The following SAMD12 variants were observed in gnomAD, a reference collection of about 807,000 sequenced individuals.
SAMD12 encodes the protein sterile alpha motif domain-containing protein 12.
SAMD12 carries 9 observed loss-of-function variants against 15.0 expected under a neutral mutation model. The ratio of observed to expected loss-of-function variants is 0.60; its 90% CI spans 0.36 to 1.05. SAMD12 has a LOEUF of 1.05. SAMD12 is among the 50% of genes least tolerant of loss of function. The pLI is 0.01. For missense variants in SAMD12, 230 were observed against 234.2 expected (o/e 0.98, Z 0.12); for synonymous variants, 86 against 90.1 (o/e 0.96, Z 0.25).
intron 1 of SAMD12, among the ~76,000 whole-genome samples, chr8:118,603,187 AAAG>A (rs1185202510): frequency 1.3e-5 from 2 of 152,176 alleles, no homozygotes; most frequent in South Asian, 2.1e-4. Flanking sequence ...CTGGAGAAAG[AAAG>A]AAGAAAATAC....
In SAMD12 at chr8:118,497,723, C is replaced by CGGGGG. The variant is rs57304177; in HGVS notation, c.193-57767_193-57763dup. 3.5e-3 allele frequency among the ~76,000 whole-genome samples: 207 copies of CGGGGG among 58,748 alleles called. 2 individuals carry two copies. Among genetic ancestry groups the CGGGGG allele is most frequent in the African/African-American group, 0.013 (200 of 15,594 alleles). The allele number at this position is 58,748 out of a possible 152,430, so 38.5% of individuals were successfully genotyped here. A position where few individuals can be genotyped will look rare whatever the true frequency, so the allele number is the denominator to read the frequency against. On this transcript the variant is annotated intron_variant, in intron 2 of 3. Coordinates refer to ENST00000314727, the MANE Select transcript of SAMD12 (RefSeq NM_207506.3). ...CTGGAATCTAAAATAACTTAAGTTGCGGGGGGGGGTGGGGGGAAAGAAAAA... is the reference window on the plus strand; with the variant it reads ...CTGGAATCTAAAATAACTTAAGTTGCGGGGGGGGGGGGGGTGGGGGGAAAGAAAAA...
chr8:118,478,340 T>C (rs548603004), intron 2 of SAMD12, among the ~76,000 whole-genome samples: 42 of 152,258 alleles, frequency 2.8e-4, no homozygotes, highest in African/African-American at 9.9e-4. Flanking sequence ...ATTATCAGGC[T>C]TAACTGCAGA....
chr8:118,570,447 G>A lies in SAMD12; in HGVS notation c.192+10268C>T, dbSNP rs180990172. Among the ~76,000 whole-genome samples the A allele has an allele frequency of 3.6e-3, 554 of 152,168 alleles. 4 individuals are homozygous for A. The highest frequency in any genetic ancestry group is 8.1e-3 in the Admixed American group (124 of 15,284). ...CATGATTTAGCTCCCACTTATAAGT[G>A]AGAACATGTTGTATTTGGTTTTCTG... On this transcript the variant is annotated intron_variant, in intron 2 of 3. Transcript: ENST00000314727.
the SAMD12 span, among the ~76,000 whole-genome samples, chr8:118,167,549 CTTAG>C: frequency 6.6e-6 from 1 of 152,128 alleles, no homozygotes; most frequent in Non-Finnish European, 1.5e-5. Flanking sequence ...TGGACAATCA[CTTAG>C]TTAGAAGAGG....
At chr8:118,192,154 T>A (rs1819422808) in exon 5 of SAMD12, 1 of 151,834 alleles carries the variant, frequency 6.6e-6, no homozygotes, top group African/African-American at 2.4e-5. Context: ...GAAAGCATGA[T>A]CTAGTAAGAG....
chr8:118,187,728 G>A (rs535561858), downstream of SAMD12, among the ~76,000 whole-genome samples: 5 of 152,260 alleles, frequency 3.3e-5, no homozygotes, highest in East Asian at 9.6e-4. Context: ...CCTACTCCTT[G>A]TTTGGGGAGA....
chr8:118,577,906 G>A (rs978449858), intron 2 of SAMD12, among the ~76,000 whole-genome samples: 1 of 152,110 alleles, frequency 6.6e-6, no homozygotes, highest in Non-Finnish European at 1.5e-5. Context: ...AGCTACTAAA[G>A]TTAATGGGAC....
At chr8:118,366,024 G>T (rs904721071) in intron 4 of SAMD12, among the ~76,000 whole-genome samples, 3 of 152,058 alleles carry the variant, frequency 2.0e-5, no homozygotes, top group Admixed American at 6.6e-5. Context: ...ATGTATATAA[G>T]AACCATATCT....
chr8:118,269,226 G>C (rs879352851), intron 4 of SAMD12, among the ~76,000 whole-genome samples: 3,968 of 72,492 alleles, frequency 0.055, 103 homozygotes, highest in East Asian at 0.22. Context: ...CTCTCTGTGT[G>C]TGTGTGTGTG....
chr8:118,472,734 G>A (rs1198376114), intron 2 of SAMD12, among the ~76,000 whole-genome samples: 1 of 151,928 alleles, frequency 6.6e-6, no homozygotes, highest in Non-Finnish European at 1.5e-5. Context: ...CTTATTCAGT[G>A]GTTTTCCACT....
At chr8:118,420,955 AC>A (rs1258240151) in intron 3 of SAMD12, among the ~76,000 whole-genome samples, 19 of 152,214 alleles carry the variant, frequency 1.2e-4, no homozygotes, top group Non-Finnish European at 2.5e-4. Context: ...TTTATATACT[AC>A]AAACATGGAG....
At chr8:118,168,738 A>C in the SAMD12 span, among the ~76,000 whole-genome samples, 2 of 152,314 alleles carry the variant, frequency 1.3e-5, no homozygotes, top group East Asian at 3.9e-4. Context: ...AAAAATCATT[A>C]AATTTCAAGA....
At chr8:118,492,249 TTTCAATAC>T (rs1475993905) in intron 2 of SAMD12, among the ~76,000 whole-genome samples, 1 of 152,036 alleles carries the variant, frequency 6.6e-6, no homozygotes, top group Non-Finnish European at 1.5e-5. Flanking sequence ...CTATTGGCCA[TTTCAATAC>T]TTTCGTTTTA....
At chr8:118,484,283 C>T (rs1824215676) in intron 2 of SAMD12, among the ~76,000 whole-genome samples, 1 of 152,122 alleles carries the variant, frequency 6.6e-6, no homozygotes, top group African/African-American at 2.4e-5. Context: ...ATTGATACAG[C>T]TTTGTAGTTC....
chr8:118,620,552 T>C (rs1473865128), intron 1 of SAMD12, among the ~76,000 whole-genome samples: 1 of 152,188 alleles, frequency 6.6e-6, no homozygotes, highest in Non-Finnish European at 1.5e-5. Flanking sequence ...GCTGTGGATC[T>C]CTGAACCTGA....
chr8:118,267,829 A>G (rs1019906147), intron 4 of SAMD12, among the ~76,000 whole-genome samples: 3 of 152,052 alleles, frequency 2.0e-5, no homozygotes, highest in African/African-American at 7.2e-5. Context: ...GGTGGTTCAC[A>G]CCTGTAATCC....
At chr8:118,247,236 T>C (rs2451123) in intron 4 of SAMD12, among the ~76,000 whole-genome samples, 18,908 of 152,062 alleles carry the variant, frequency 0.12, 1,766 homozygotes, top group East Asian at 0.48. Flanking sequence ...AATAGAATGA[T>C]GGCTACCAGA....
chr8:118,364,749 G>C (rs1586605577), intron 4 of SAMD12, among the ~76,000 whole-genome samples: 1 of 152,100 alleles, frequency 6.6e-6, no homozygotes, highest in Non-Finnish European at 1.5e-5. Context: ...CATGAATTTG[G>C]GGGAGGAGAA....
At chr8:118,472,009 C>T (rs112043705) in intron 2 of SAMD12, among the ~76,000 whole-genome samples, 2,549 of 152,246 alleles carry the variant, frequency 0.017, 74 homozygotes, top group African/African-American at 0.058. Flanking sequence ...CACAATAGGC[C>T]GGGCGCGGTG....
Sources: allele counts gnomAD v4.1 joint callset (sites outside exome capture counted in the v4.1 genomes callset), GRCh38; gene constraint gnomAD v4.1.1; transcripts MANE v1.5; gene names NCBI Gene and HGNC (gene_info 2026-07-23, HGNC 2026-07-21).